NDOR1: variants seen among roughly 807,000 people sequenced by gnomAD.
NDOR1 encodes NADPH-dependent diflavin oxidoreductase 1.
In NDOR1, 61 loss-of-function variants were observed where a neutral mutation model predicts 67.2. The observed-to-expected ratio is 0.91, with a 90% CI of 0.74 to 1.12. The LOEUF is 1.12. NDOR1 is among the 50% of genes most tolerant of loss of function. NDOR1 has a pLI of 0.00. For synonymous variants in NDOR1, 378 were observed against 343.7 expected (o/e 1.10, Z -1.10); for missense variants, 878 against 802.8 (o/e 1.09, Z -1.13).
At chr9:137,205,939 G>T (rs552672687) in intron 1 of NDOR1, 27 bp downstream of exon 1, 2 of 1,562,524 alleles carry the variant, frequency 1.3e-6, no homozygotes, top group East Asian at 2.3e-5. Context: ...GCCTCGGCGT[G>T]GGGGACGAGC....
rs757430180 is a variant in NDOR1 at position 137,214,810 on chromosome 9, C to T, written c.857C>T (p.Pro286Leu). Residue 286 changes from proline (P) to leucine (L), a missense_variant, in exon 8 of 14, where the codon CCC becomes CTC. Transcript: ENST00000684003. ...LQPREPDVSS[P>L]TRLPQPCSMR... is the part of the protein sequence containing the mutation. ...ACTCACCCTGCAGATGTCTCCTCCCCCACGAGGCTGCCCCAGCCCTGCTCC... is the reference window on the plus strand; with the variant it reads ...ACTCACCCTGCAGATGTCTCCTCCCTCACGAGGCTGCCCCAGCCCTGCTCC... 6.2e-7 allele frequency: 1 copy of T among 1,603,754 alleles called. No homozygotes were observed. Among genetic ancestry groups the T allele is most frequent in the South Asian group, 1.1e-5 (1 of 91,052 alleles).
chr9:137,211,574 G>GTCTTT (rs1432716234), intron 2 of NDOR1, among the ~76,000 whole-genome samples: 1 of 152,148 alleles, frequency 6.6e-6, no homozygotes, highest in Non-Finnish European at 1.5e-5. Context: ...AGGGAAGAGA[G>GTCTTT]TCTTTTGGGA....
Position 137,215,009 on chromosome 9 carries a change from C to T in NDOR1, c.1056C>T (p.Thr352=). ...AATACTGCAACCGGCCCCGCAGGAC[C>T]ATCCTGGAGGTGAGATGGGAGGGCG... ...LFEYCNRPRR[T]ILEVLCDFPH... is the part of the protein sequence containing the mutation. Residue 352 remains threonine, a synonymous_variant, in exon 8 of 14, where the codon ACC becomes ACT. Transcript: ENST00000684003. 6.2e-7 allele frequency: 1 copy of T among 1,612,438 alleles called. No homozygotes were observed. The highest frequency in any genetic ancestry group is 8.5e-7 in the Non-Finnish European group (1 of 1,178,852).
At position 137,214,376 on chromosome 9, in the gene NDOR1, C is replaced by A; in HGVS notation, c.685C>A (p.Arg229=). The A allele has an allele frequency of 6.2e-7, 1 of 1,614,140 alleles. No homozygotes were observed. The highest frequency in any genetic ancestry group is 8.5e-7 in the Non-Finnish European group (1 of 1,180,030). Residue 229 remains arginine (R), a synonymous_variant, in exon 6 of 14, where the codon CGG becomes AGG. Coordinates refer to ENST00000684003, the MANE Select transcript of NDOR1 (RefSeq NM_014434.4). ...CGGCCCCTCCCACTTCCAGGACGTT[C>A]GGCTGATTGAGTTTGACATCTTGGG... is the stretch of plus-strand genomic sequence containing the variant. ...VTGPSHFQDV[R]LIEFDILGSG... is the part of the protein sequence containing the mutation.
At position 137,216,832 on chromosome 9, in the gene NDOR1, C is replaced by G. The variant is rs547631766; in HGVS notation, c.*416C>G. On this transcript the variant is annotated 3_prime_UTR_variant, in exon 14 of 14. Transcript: ENST00000684003. The stretch of plus-strand genomic sequence containing the variant: ...CTGGGGCCACCTCGGCTGCTGCAGC[C>G]TGCCCAGCAGCACATTCCAGTCACT... The G allele has an allele frequency of 4.3e-6, 1 of 231,324 alleles. No homozygotes were observed. The highest frequency in any genetic ancestry group is 8.7e-6 in the Non-Finnish European group (1 of 115,364). The allele number at this position is 231,324 out of a possible 1,614,324, so 14.3% of individuals were successfully genotyped here.
chr9:137,215,019 G>A lies in NDOR1; in HGVS notation c.1065+1G>A. On this transcript the variant is annotated splice_donor_variant, in intron 8 of 13. Transcript: ENST00000684003. LOFTEE classifies it high-confidence loss of function. ...CCGGCCCCGCAGGACCATCCTGGAG[G>A]TGAGATGGGAGGGCGGCAGGCCCAG... is the stretch of plus-strand genomic sequence containing the variant. 6.2e-7 allele frequency: 1 copy of A among 1,611,686 alleles called. No individual in the cohort carries two copies. The highest frequency in any genetic ancestry group is 1.7e-4 in the Middle Eastern group (1 of 6,056).
In NDOR1 at chr9:137,215,012, C is replaced by T; in HGVS notation, c.1059C>T (p.Ile353=). 6.2e-7 allele frequency: 1 copy of T among 1,611,928 alleles called. No individual in the cohort carries two copies. The highest frequency in any genetic ancestry group is 8.5e-7 in the Non-Finnish European group (1 of 1,178,462). Residue 353 remains isoleucine (I), a synonymous_variant, in exon 8 of 14, where the codon ATC becomes ATT. Coordinates refer to ENST00000684003, the MANE Select transcript of NDOR1 (RefSeq NM_014434.4). The part of the protein sequence containing the change: ...FEYCNRPRRT[I]LEVLCDFPHT... ...ACTGCAACCGGCCCCGCAGGACCATCCTGGAGGTGAGATGGGAGGGCGGCA... is the reference window on the plus strand; with the variant it reads ...ACTGCAACCGGCCCCGCAGGACCATTCTGGAGGTGAGATGGGAGGGCGGCA...
At position 137,205,797 on chromosome 9, in the gene NDOR1, T is replaced by G. The variant is rs1233147639; in HGVS notation, c.20T>G (p.Leu7Arg). ...ACCCCGATGCCGAGCCCGCAGCTTC[T>G]GGTGCTCTTCGGCAGCCAGACAGGC... MPSPQL[L>R]VLFGSQTGTA... Residue 7 changes from leucine (L) to arginine (R), a missense_variant, in exon 1 of 14, where the codon CTG becomes CGG. Physicochemically the swap from Leu to Arg is moderately radical, Grantham distance 102 (BLOSUM62 -2). Coordinates refer to ENST00000684003, the MANE Select transcript of NDOR1 (RefSeq NM_014434.4). 1 of 1,604,848 alleles carries G rather than the reference T, an allele frequency of 6.2e-7. No individual in the cohort carries two copies. The highest frequency in any genetic ancestry group is 1.3e-5 in the African/African-American group (1 of 74,922).
Position 137,217,436 on chromosome 9 carries a change from G to A in NDOR1, c.*1020G>A, listed in dbSNP as rs960862753. On this transcript the variant is annotated 3_prime_UTR_variant, in exon 14 of 14. Coordinates refer to ENST00000684003, the MANE Select transcript of NDOR1 (RefSeq NM_014434.4). ...GGCGTGGTTGTGCAGCCCCACCCCC[G>A]GGAGGGGCTTTAGGCACTGGGAAGG... The A allele has an allele frequency of 6.6e-6, 1 of 152,400 alleles. No individual in the cohort carries two copies. Among genetic ancestry groups the A allele is most frequent in the Non-Finnish European group, 1.5e-5 (1 of 68,174 alleles). 9.4% of individuals were successfully genotyped at this position (152,400 alleles called of 1,614,324 possible).
intron 2 of NDOR1, among the ~76,000 whole-genome samples, chr9:137,206,599 C>T (rs1834983179): frequency 1.3e-5 from 2 of 152,254 alleles, no homozygotes; most frequent in South Asian, 2.1e-4. Flanking sequence ...CTGTATGACC[C>T]TCAGGGAACG....
chr9:137,214,027 C>T lies in NDOR1; in HGVS notation c.471C>T (p.Tyr157=), dbSNP rs1211764108. The part of the protein sequence containing the change: ...RDLWDRVLGL[Y]PPPPGLTEIP... ...TGTGGGACAGGGTTCTGGGGCTGTA[C>T]CCGCCGCCTCCGGGCCTCACTGAGA... The change falls in exon 5 of 14, where the codon TAC becomes TAT. Residue 157 remains tyrosine (Y), a synonymous_variant. Transcript: ENST00000684003. 33 of 1,546,744 alleles carry T rather than the reference C, an allele frequency of 2.1e-5. No individual in the cohort carries two copies. The highest frequency in any genetic ancestry group is 5.9e-5 in the Admixed American group (3 of 51,216).
Position 137,215,490 on chromosome 9 carries a change from C to T in NDOR1, c.1257C>T (p.Ser419=), listed in dbSNP as rs1345448801. The T allele has an allele frequency of 6.2e-7, 1 of 1,613,496 alleles. No homozygotes were observed. The highest frequency in any genetic ancestry group is 2.2e-5 in the East Asian group (1 of 44,880). ...AGGAGCCCCGCCGGGGCCTCTGCTCCTCCTGGCTGGCATCCCTGGACCCTG... is the reference window on the plus strand; with the variant it reads ...AGGAGCCCCGCCGGGGCCTCTGCTCTTCCTGGCTGGCATCCCTGGACCCTG... ...RLKEPRRGLC[S]SWLASLDPGQ... is the part of the protein sequence containing the mutation. The change falls in exon 10 of 14, where the codon TCC becomes TCT. Residue 419 remains serine, a synonymous_variant. Coordinates refer to ENST00000684003, the MANE Select transcript of NDOR1 (RefSeq NM_014434.4).
At position 137,214,765 on chromosome 9, in the gene NDOR1, G is replaced by T. The variant is rs530201608; in HGVS notation, c.845-33G>T. 1.0e-3 allele frequency: 1,590 copies of T among 1,596,370 alleles called. 30 individuals are homozygous for T. The South Asian group carries it at 0.017, about 17-fold the overall frequency. On this transcript the variant is annotated intron_variant, in intron 7 of 13. Transcript: ENST00000684003. ...GGGCCCCCACCCCAAGGGCTCCGCC[G>T]CAGCCCACGGAGGCCTCCCACTCAC... is the stretch of plus-strand genomic sequence containing the variant.
chr9:137,209,919 C>T (rs1005042422), intron 2 of NDOR1, among the ~76,000 whole-genome samples: 3 of 152,228 alleles, frequency 2.0e-5, no homozygotes, highest in Non-Finnish European at 4.4e-5. Flanking sequence ...TGACGAAACC[C>T]CATCTCTACT....
In NDOR1 at chr9:137,215,922, C is replaced by A; in HGVS notation, c.1459C>A (p.Arg487Ser). 4 of 1,613,618 alleles carry A rather than the reference C, an allele frequency of 2.5e-6. No homozygotes were observed. Among genetic ancestry groups the A allele is most frequent in the Non-Finnish European group, 3.4e-6 (4 of 1,179,992 alleles). Residue 487 changes from arginine (R) to serine (S), a missense_variant, in exon 12 of 14, where the codon CGC becomes AGC. Arg to Ser is a moderately radical substitution (Grantham distance 110, BLOSUM62 -1). Transcript: ENST00000684003. Reference sequence around the variant, plus strand: ...AGGAAACTTCTTGTTTTTTGGCTGCCGCTGGCGGGACCAAGACTTCTACTG... The same window carrying A: ...AGGAAACTTCTTGTTTTTTGGCTGCAGCTGGCGGGACCAAGACTTCTACTG... ...QTGNFLFFGC[R>S]WRDQDFYWEA...
intron 2 of NDOR1, among the ~76,000 whole-genome samples, chr9:137,208,606 G>T (rs1350064158): frequency 1.3e-5 from 2 of 152,148 alleles, no homozygotes; most frequent in Non-Finnish European, 2.9e-5. Context: ...GGAGGCCGAG[G>T]TGGGAGGATC....
rs117194773 is a variant in NDOR1, at chr9:137,218,432, C to A, written c.*2016C>A. The A allele has an allele frequency of 0.012, 4,769 of 398,510 alleles. 384 individuals are homozygous for A. In the East Asian group the frequency reaches 0.14, roughly 12 times the overall value. The allele number at this position is 398,510 out of a possible 1,614,324, so 24.7% of individuals were successfully genotyped here. On this transcript the variant is annotated 3_prime_UTR_variant, in exon 14 of 14. Transcript: ENST00000684003. ...GGGCTGCCTGCCCTTCCTGCCCTGTCCACCCTGCCTGGGTGCCCGGCTCTG... is the reference window on the plus strand; with the variant it reads ...GGGCTGCCTGCCCTTCCTGCCCTGTACACCCTGCCTGGGTGCCCGGCTCTG...
At position 137,205,790 on chromosome 9, in the gene NDOR1, C is replaced by G. The variant is rs1223774424; in HGVS notation, c.13C>G (p.Gln5Glu). The stretch of plus-strand genomic sequence containing the variant: ...CGGGCGCACCCCGATGCCGAGCCCG[C>G]AGCTTCTGGTGCTCTTCGGCAGCCA... Reference protein sequence around the residue: MPSPQLLVLFGSQTG... With the variant: MPSPELLVLFGSQTG... Residue 5 changes from glutamine (Q) to glutamate (E), a missense_variant, in exon 1 of 14, where the codon CAG (glutamine) becomes GAG (glutamate). Gln to Glu is a conservative substitution (Grantham distance 29). Coordinates refer to ENST00000684003, the MANE Select transcript of NDOR1 (RefSeq NM_014434.4). The G allele has an allele frequency of 3.1e-6, 5 of 1,604,400 alleles. No homozygotes were observed. The highest frequency in any genetic ancestry group is 4.2e-6 in the Non-Finnish European group (5 of 1,179,666).
chr9:137,214,461 G>T (rs774639597), intron 6 of NDOR1, 48 bp downstream of exon 6: 2 of 1,545,084 alleles, frequency 1.3e-6, no homozygotes, highest in Non-Finnish European at 1.7e-6. Flanking sequence ...TGGGCCGTGG[G>T]TCTGGGGTTC....
Sources: allele counts gnomAD v4.1 joint callset (sites outside exome capture counted in the v4.1 genomes callset), GRCh38; gene constraint gnomAD v4.1.1; transcripts MANE v1.5; gene names NCBI Gene and HGNC (gene_info 2026-07-23, HGNC 2026-07-21).